Variants in FER observed in about 807,000 individuals in gnomAD.
FER encodes the protein tyrosine-protein kinase Fer.
Under a neutral mutation model 111.0 loss-of-function variants are expected in FER, and 63 were observed. The ratio of observed to expected loss-of-function variants is 0.57; its 90% CI spans 0.46 to 0.70. FER has a LOEUF of 0.70. Among genes scored for constraint, FER ranks in the 30% least tolerant of loss-of-function variants. FER has a pLI of 0.00. For missense variants in FER, 914 were observed against 954.0 expected, an observed-to-expected ratio of 0.96 and a Z score of 0.55; for synonymous variants, 327 against 313.9, an observed-to-expected ratio of 1.04 and a Z score of -0.44.
At chr5:108,867,994 G>T in intron 6 of FER, 44 bp downstream of exon 6, 1 of 1,550,128 alleles carries the variant, frequency 6.5e-7, no homozygotes, top group South Asian at 1.2e-5. Context: ...TTCACAAAAT[G>T]ATTTCAACAT....
At chr5:108,770,224 A>G (rs1752751728) in intron 2 of FER, among the ~76,000 whole-genome samples, 1 of 152,224 alleles carries the variant, frequency 6.6e-6, no homozygotes, top group African/African-American at 2.4e-5. Flanking sequence ...CCGGGGTTAC[A>G]GGCATGAGCC....
intron 17 of FER, among the ~76,000 whole-genome samples, chr5:109,111,545 C>T (rs567883123): frequency 2.0e-5 from 3 of 152,092 alleles, no homozygotes; most frequent in African/African-American, 4.8e-5. Flanking sequence ...AAAAATTCTG[C>T]TTCATTAGTT....
intron 3 of FER, among the ~76,000 whole-genome samples, chr5:108,829,539 C>T (rs1415328898): frequency 3.3e-5 from 5 of 152,044 alleles, no homozygotes; most frequent in South Asian, 4.2e-4. Flanking sequence ...CTTGGAAAGC[C>T]GAAGTGGGAG....
chr5:109,012,829 AAC>A (rs1419706954), intron 13 of FER, among the ~76,000 whole-genome samples: 1 of 152,206 alleles, frequency 6.6e-6, no homozygotes, highest in Non-Finnish European at 1.5e-5. Context: ...AATACTGGAA[AAC>A]TCTATGACAA....
At chr5:108,897,537 T>C in intron 9 of FER, 122 bp from the exon 10 acceptor site, 1 of 681,074 alleles carries the variant, frequency 1.5e-6, no homozygotes, top group Non-Finnish European at 2.2e-6. Context: ...AGTTTCATAT[T>C]TTTTATGATT....
intron 15 of FER, among the ~76,000 whole-genome samples, chr5:109,046,020 G>A (rs1367116772): frequency 6.6e-6 from 1 of 152,094 alleles, no homozygotes; most frequent in Admixed American, 6.6e-5. Flanking sequence ...ATTTTTGTTG[G>A]TTATTACTGT....
chr5:108,918,620 G>A (rs1189817181), intron 10 of FER, among the ~76,000 whole-genome samples: 2 of 151,822 alleles, frequency 1.3e-5, no homozygotes, highest in Non-Finnish European at 2.9e-5. Context: ...CCGAGTAGCT[G>A]GGACTACAGG....
chr5:109,154,897 G>A (rs748645660), intron 17 of FER, among the ~76,000 whole-genome samples: 9 of 151,850 alleles, frequency 5.9e-5, no homozygotes, highest in Non-Finnish European at 1.3e-4. Context: ...GTGGCTTCGT[G>A]TATAAAACAG....
intron 2 of FER, among the ~76,000 whole-genome samples, chr5:108,792,556 C>T (rs1755498844): frequency 6.6e-6 from 1 of 152,044 alleles, no homozygotes; most frequent in Non-Finnish European, 1.5e-5. Context: ...AGGCTGGTCC[C>T]AAACTCCTGA....
chr5:108,862,744 G>A (rs1384937304), intron 5 of FER, among the ~76,000 whole-genome samples: 1 of 151,840 alleles, frequency 6.6e-6, no homozygotes, highest in Non-Finnish European at 1.5e-5. Flanking sequence ...TAACTTATCT[G>A]GTTAATTGTA....
intron 16 of FER, among the ~76,000 whole-genome samples, chr5:109,080,749 A>T (rs570553970): frequency 4.6e-5 from 7 of 152,272 alleles, no homozygotes; most frequent in Non-Finnish European, 7.4e-5. Flanking sequence ...AGAATAAACT[A>T]TGATAATGAG....
At chr5:109,133,430 A>G (rs560468705) in intron 17 of FER, among the ~76,000 whole-genome samples, 10 of 152,320 alleles carry the variant, frequency 6.6e-5, no homozygotes, top group African/African-American at 1.7e-4. Flanking sequence ...CTAAATATTT[A>G]TAAATGATAA....
chr5:109,051,996 G>C (rs932525324), intron 16 of FER: 1 of 1,584,414 alleles, frequency 6.3e-7, no homozygotes, highest in Non-Finnish European at 8.7e-7. Context: ...TGATGATGTA[G>C]GTTCGCAGCA....
intron 13 of FER, among the ~76,000 whole-genome samples, chr5:108,983,828 T>A (rs1016551132): frequency 2.0e-5 from 3 of 152,280 alleles, no homozygotes; most frequent in Non-Finnish European, 4.4e-5. Flanking sequence ...CAAAAATGCA[T>A]AGAATTATGA....
At chr5:109,076,171 G>GA (rs1472232383) in intron 16 of FER, among the ~76,000 whole-genome samples, 5 of 152,016 alleles carry the variant, frequency 3.3e-5, no homozygotes, top group Non-Finnish European at 7.4e-5. Context: ...TATATATAAG[G>GA]AGAAAGATAG....
At chr5:108,821,699 A>G (rs1758861001) in intron 3 of FER, among the ~76,000 whole-genome samples, 1 of 151,486 alleles carries the variant, frequency 6.6e-6, no homozygotes, top group African/African-American at 2.4e-5. Flanking sequence ...TATTTTTGTT[A>G]TTAAATTCTA....
intron 10 of FER, among the ~76,000 whole-genome samples, chr5:108,911,463 T>A (rs1751533508): frequency 6.6e-6 from 1 of 152,194 alleles, no homozygotes; most frequent in South Asian, 2.1e-4. Flanking sequence ...ATAAAAACTT[T>A]CTAGTTTAAG....
intron 5 of FER, among the ~76,000 whole-genome samples, chr5:108,853,917 G>C (rs909789149): frequency 6.6e-6 from 1 of 152,198 alleles, no homozygotes; most frequent in Non-Finnish European, 1.5e-5. Context: ...AGGAAGGGCA[G>C]AAGTAAGGAG....
chr5:109,185,269 A>G (rs1010863088), intron 18 of FER, among the ~76,000 whole-genome samples: 7 of 152,212 alleles, frequency 4.6e-5, no homozygotes, highest in African/African-American at 1.7e-4. Flanking sequence ...TCAACAAAAC[A>G]AGGCACCATG....
Sources: allele counts gnomAD v4.1 joint callset (sites outside exome capture counted in the v4.1 genomes callset), GRCh38; gene constraint gnomAD v4.1.1; transcripts MANE v1.5; gene names NCBI Gene and HGNC (gene_info 2026-07-23, HGNC 2026-07-21).